MACF1: variants seen among roughly 807,000 people sequenced by gnomAD.
The protein encoded by MACF1 is microtubule-actin cross-linking factor 1.
In MACF1, 193 loss-of-function variants were observed where a neutral mutation model predicts 854.8. The observed-to-expected ratio is 0.23, with a 90% CI of 0.20 to 0.25. The LOEUF (loss-of-function observed/expected upper bound fraction) is 0.25. Among genes scored for constraint, MACF1 ranks in the 10% least tolerant of loss-of-function variants. The pLI is 1.00. For synonymous variants in MACF1, 3,185 were observed against 3,226.7 expected (o/e 0.99, Z 0.44); for missense variants, 7,722 against 8,929.1 (o/e 0.86, Z 5.45).
At chr1:39,177,294 G>A (rs111460577) in intron 2 of MACF1, among the ~76,000 whole-genome samples, 4 of 152,238 alleles carry the variant, frequency 2.6e-5, no homozygotes, top group African/African-American at 9.6e-5. Flanking sequence ...AGCTAATTTT[G>A]TATTTTTAGT....
At chr1:39,415,608 G>T (rs970360449) in intron 58 of MACF1, among the ~76,000 whole-genome samples, 2 of 149,756 alleles carry the variant, frequency 1.3e-5, no homozygotes, top group African/African-American at 4.9e-5. Context: ...TGATCTGCCC[G>T]CCTCGGCCTC....
intron 2 of MACF1, among the ~76,000 whole-genome samples, chr1:39,174,823 G>A (rs1264297098): frequency 2.6e-5 from 4 of 152,186 alleles, no homozygotes; most frequent in East Asian, 1.9e-4. Context: ...AGTAGGAAAA[G>A]GGGAAACCCT....
At chr1:39,317,109 A>G in intron 28 of MACF1, 105 bp from the exon 29 acceptor site, 1 of 1,144,152 alleles carries the variant, frequency 8.7e-7, no homozygotes, top group Non-Finnish European at 1.2e-6. Context: ...AATCACATAT[A>G]CAATGTGGAA....
chr1:39,199,346 A>G (rs1644361512), intron 2 of MACF1, among the ~76,000 whole-genome samples: 1 of 151,674 alleles, frequency 6.6e-6, no homozygotes, highest in South Asian at 2.1e-4. Flanking sequence ...AGGCATAATA[A>G]AAGTTCAGAC....
At position 39,368,682 on chromosome 1, in the gene MACF1, A is replaced by G. The variant is rs1299951311; in HGVS notation, c.12938+368A>G. 5.3e-5 allele frequency among the ~76,000 whole-genome samples: 8 copies of G among 151,994 alleles called. No individual in the cohort carries two copies. The South Asian group carries it at 8.3e-4, about 16-fold the overall frequency. On this transcript the variant is annotated intron_variant, in intron 50 of 100. Transcript: ENST00000564288. ...ATGCTCAGCTAATTTTTGCATTTTT[A>G]GTAGAGACGGGGTTTCCCTACACTG...
intron 41 of MACF1, 113 bp from the exon 42 acceptor site, chr1:39,349,365 C>T: frequency 9.0e-7 from 1 of 1,110,650 alleles, no homozygotes; most frequent in Non-Finnish European, 1.3e-6. Flanking sequence ...TAGTCTCCCA[C>T]CAACTTTTCC....
intron 97 of MACF1, among the ~76,000 whole-genome samples, chr1:39,477,068 TATATATATATATATATATATATAC>T (rs1462590497): frequency 0.036 from 706 of 19,470 alleles, 40 homozygotes; most frequent in African/African-American, 0.15. Flanking sequence ...TATATATATA[TATATATATATATATATATATATAC>T]ACACACACAC....
At chr1:39,345,225 C>G (rs1647018191) in intron 40 of MACF1, among the ~76,000 whole-genome samples, 1 of 152,150 alleles carries the variant, frequency 6.6e-6, no homozygotes, top group African/African-American at 2.4e-5. Flanking sequence ...ACAGTTTTTA[C>G]TACTTTAAGG....
chr1:39,395,155 G>A (rs1390039689), intron 58 of MACF1, among the ~76,000 whole-genome samples: 1 of 152,148 alleles, frequency 6.6e-6, no homozygotes, highest in African/African-American at 2.4e-5. Context: ...ATTCTTTGTT[G>A]TGAGAAGCTG....
At chr1:39,391,565 A>G (rs918167029) in intron 58 of MACF1, among the ~76,000 whole-genome samples, 4 of 152,206 alleles carry the variant, frequency 2.6e-5, no homozygotes, top group African/African-American at 9.7e-5. Context: ...AGAAAATGAG[A>G]TAAACAGGCC....
chr1:39,437,674 A>T, intron 70 of MACF1, 103 bp from the exon 71 acceptor site: 1 of 975,070 alleles, frequency 1.0e-6, no homozygotes. Context: ...AGCACAGGTT[A>T]TCCTAAACAG....
chr1:39,292,096 A>C lies in MACF1; in HGVS notation c.1914+58A>C, dbSNP rs186144088. 2,779 of 1,590,248 alleles carry C rather than the reference A, an allele frequency of 1.7e-3. 4 individuals are homozygous for C. The highest frequency in any genetic ancestry group is 3.7e-3 in the Middle Eastern group (22 of 5,952). The stretch of plus-strand genomic sequence containing the variant: ...GGACGTGGTTGGAACGGATGAAAGG[A>C]CAGTACACACAATAAAGCTGTATTG... On this transcript the variant is annotated intron_variant, in intron 16 of 100. Coordinates refer to ENST00000564288, the MANE Select transcript of MACF1 (RefSeq NM_001394062.1).
chr1:39,448,228 A>G (rs1644266566), intron 83 of MACF1, 76 bp downstream of exon 83: 2 of 1,499,810 alleles, frequency 1.3e-6, no homozygotes, highest in East Asian at 2.3e-5. Flanking sequence ...AATAAAAATC[A>G]GAGCTAGTAA....
chr1:39,473,104 A>G (rs1644808123), intron 97 of MACF1, among the ~76,000 whole-genome samples: 1 of 152,186 alleles, frequency 6.6e-6, no homozygotes, highest in Non-Finnish European at 1.5e-5. Context: ...CTGTCTCATT[A>G]TGTTTATTTG....
At chr1:39,244,608 C>T (rs936756242) in intron 2 of MACF1, among the ~76,000 whole-genome samples, 5 of 147,672 alleles carry the variant, frequency 3.4e-5, no homozygotes, top group South Asian at 2.1e-4. Context: ...AATGGAGTCT[C>T]GCTCTGTTGC....
intron 68 of MACF1, among the ~76,000 whole-genome samples, 193 bp from the exon 69 acceptor site, chr1:39,434,221 A>C (rs1339175964): frequency 6.6e-6 from 1 of 152,048 alleles, no homozygotes; most frequent in African/African-American, 2.4e-5. Context: ...AAATATATGT[A>C]TGATAGGAAA....
chr1:39,328,783 G>A (rs1053640204), intron 36 of MACF1: 3 of 152,186 alleles, frequency 2.0e-5, no homozygotes, highest in African/African-American at 7.2e-5. Flanking sequence ...GAATGTCCAT[G>A]TTTGGTAGGA....
intron 96 of MACF1, among the ~76,000 whole-genome samples, chr1:39,469,260 G>A (rs990321804): frequency 6.6e-6 from 1 of 152,180 alleles, no homozygotes; most frequent in Non-Finnish European, 1.5e-5. Context: ...TGCTAAATGT[G>A]AAAAGGCTGG....
At position 39,353,216 on chromosome 1, in the gene MACF1, A is replaced by T; in HGVS notation, c.11409A>T (p.Gln3803His). Residue 3803 changes from glutamine to histidine, a missense_variant, in exon 44 of 101, where the codon CAA becomes CAT. This residue lies in a region of MACF1 where 2,807 missense variants were observed against 3,235.8 expected (regional missense o/e 0.87). Transcript: ENST00000564288. ...AAGCCCCAGAGAAACTGGACAAGCAATGTGAGATGATGAAGGTAAGGGTGT... is the reference window on the plus strand; with the variant it reads ...AAGCCCCAGAGAAACTGGACAAGCATTGTGAGATGATGAAGGTAAGGGTGT... ...VNQAPEKLDK[Q>H]CEMMKARHQE... 6.2e-7 allele frequency: 1 copy of T among 1,604,600 alleles called. No individual in the cohort carries two copies. The highest frequency in any genetic ancestry group is 8.5e-7 in the Non-Finnish European group (1 of 1,172,288).
Sources: gnomAD v4.1 joint callset for allele counts (sites outside exome capture counted in the v4.1 genomes callset) on GRCh38, gnomAD v4.1.1 for gene constraint, gnomAD v4.1.1 regional missense constraint, MANE v1.5 for transcripts, NCBI Gene and HGNC (gene_info 2026-07-23, HGNC 2026-07-21) for gene names.